Variants in MGME1 observed in about 807,000 individuals in gnomAD.
The protein encoded by MGME1 is mitochondrial genome maintenance exonuclease 1.
Under a neutral mutation model 33.0 loss-of-function variants are expected in MGME1, and 22 were observed. The observed-to-expected ratio is 0.67, with a 90% CI of 0.48 to 0.95. The LOEUF (loss-of-function observed/expected upper bound fraction) is 0.95. MGME1 is among the 40% of genes least tolerant of loss of function. The pLI is 0.00. For synonymous variants in MGME1, 133 were observed against 144.0 expected (o/e 0.92, Z 0.55); for missense variants, 383 against 397.8 (o/e 0.96, Z 0.32).
At chr20:17,969,754 T>G in intron 1 of MGME1, 47 bp from the exon 2 acceptor site, 2 of 1,182,832 alleles carry the variant, frequency 1.7e-6, no homozygotes, top group Non-Finnish European at 1.2e-6. Context: ...ATGTGCAATA[T>G]CATTCTGATG....
At chr20:17,985,498 A>G (rs1185214750) in intron 3 of MGME1, among the ~76,000 whole-genome samples, 3 of 152,158 alleles carry the variant, frequency 2.0e-5, no homozygotes, top group African/African-American at 7.2e-5. Flanking sequence ...AGAAAGAAAA[A>G]CGTTTTTTAT....
At chr20:17,988,749 T>C (rs2036218026) in intron 4 of MGME1, among the ~76,000 whole-genome samples, 1 of 152,108 alleles carries the variant, frequency 6.6e-6, no homozygotes, top group African/African-American at 2.4e-5. Context: ...GGTTTTTCCT[T>C]TTTTAATCTC....
At chr20:17,986,680 A>T (rs2036162249) in intron 3 of MGME1, among the ~76,000 whole-genome samples, 1 of 152,104 alleles carries the variant, frequency 6.6e-6, no homozygotes, top group South Asian at 2.1e-4. Flanking sequence ...AATTATGATA[A>T]AGATTGCGTG....
At chr20:17,985,059 A>G (rs972735725) in intron 3 of MGME1, among the ~76,000 whole-genome samples, 2 of 146,534 alleles carry the variant, frequency 1.4e-5, no homozygotes, top group East Asian at 2.0e-4. Context: ...AAAAAAAAAG[A>G]AAAGGAAAAT....
intron 3 of MGME1, among the ~76,000 whole-genome samples, chr20:17,985,856 A>T (rs2036141774): frequency 6.6e-6 from 1 of 152,158 alleles, no homozygotes. Flanking sequence ...AATATACTCT[A>T]TGTTTGCACA....
chr20:17,985,752 C>A (rs1204071929), intron 3 of MGME1, among the ~76,000 whole-genome samples: 1 of 152,156 alleles, frequency 6.6e-6, no homozygotes, highest in Non-Finnish European at 1.5e-5. Flanking sequence ...GTTATAGTTG[C>A]CAGCAGTATT....
chr20:17,975,951 G>T (rs1433326885), intron 3 of MGME1, 48 bp downstream of exon 3: 1 of 1,435,898 alleles, frequency 7.0e-7, no homozygotes, highest in South Asian at 1.1e-5. Flanking sequence ...GACAGATGGT[G>T]CCTGTCAAAG....
chr20:17,990,010 GCT>G lies in MGME1; in HGVS notation c.939_940del (p.Cys314PhefsTer57), dbSNP rs1600411495. On this transcript the variant is annotated frameshift_variant, in exon 5 of 5. Coordinates refer to ENST00000377710, the MANE Select transcript of MGME1 (RefSeq NM_052865.4). LOFTEE classifies it high-confidence loss of function. ...CCCACCCACATTTCATGGATGCAGAGCTCTGTTCCCAGTACTGGACCAAGTGG... is the reference window on the plus strand; with the variant it reads ...CCCACCCACATTTCATGGATGCAGAGCTGTTCCCAGTACTGGACCAAGTGG... ...PAHPHFMDAE[L>X]CSQYWTKWLL... is the part of the protein sequence containing the mutation. The G allele has an allele frequency of 3.7e-6, 6 of 1,614,116 alleles. No homozygotes were observed. Among genetic ancestry groups the G allele is most frequent in the Non-Finnish European group, 5.1e-6 (6 of 1,180,000 alleles).
At position 17,969,032 on chromosome 20, in the gene MGME1, T is replaced by A. The variant is rs2035636792; in HGVS notation, c.-169T>A. On this transcript the variant is annotated 5_prime_UTR_variant, in exon 1 of 5. The change creates a new upstream start codon in the 5' untranslated region. Coordinates refer to ENST00000377710, the MANE Select transcript of MGME1 (RefSeq NM_052865.4). ...CGCCGCGGGGCATTCTGGACCTGCT[T>A]TGCCTTAGGCTGTGCCTAATTCGAA... The A allele has an allele frequency of 6.5e-6, 1 of 153,386 alleles. No individual in the cohort carries two copies. The highest frequency in any genetic ancestry group is 1.5e-5 in the Non-Finnish European group (1 of 68,380). The allele number at this position is 153,386 out of a possible 1,614,324, so 9.5% of individuals were successfully genotyped here. A position where few individuals can be genotyped will look rare whatever the true frequency, so the allele number is the denominator to read the frequency against.
In MGME1 at chr20:17,988,243, T is replaced by C. The variant is rs2036203332; in HGVS notation, c.809T>C (p.Leu270Pro). 6.2e-7 allele frequency: 1 copy of C among 1,614,008 alleles called. No individual in the cohort carries two copies. Among genetic ancestry groups the C allele is most frequent in the Non-Finnish European group, 8.5e-7 (1 of 1,179,968 alleles). The change falls in exon 4 of 5, where the codon CTG (leucine) becomes CCG (proline). Residue 270 changes from leucine (L) to proline (P), a missense_variant. Transcript: ENST00000377710. ...PFIQSTFDNP[L>P]QVVAYMGAMN... ...ATTCAAAGTACATTTGACAACCCAC[T>C]GCAAGTTGTGGCATACATGGGTGCC...
At position 17,970,108 on chromosome 20, in the gene MGME1, CAAGCAT is replaced by C; in HGVS notation, c.254_259del (p.His85_Lys86del). 6.2e-7 allele frequency: 1 copy of C among 1,614,234 alleles called. No individual in the cohort carries two copies. The highest frequency in any genetic ancestry group is 8.5e-7 in the Non-Finnish European group (1 of 1,180,042). ...ATGCTTTGCTCTGTGGACCCGTGAG[CAAGCAT>C]AAGCTGCCAAACCAAGGTGAGGACA... On this transcript the variant is annotated inframe_deletion, in exon 2 of 5. Coordinates refer to ENST00000377710, the MANE Select transcript of MGME1 (RefSeq NM_052865.4).
chr20:17,990,421 G>GGT lies in MGME1; in HGVS notation c.*313_*314insTG. The GGT allele has an allele frequency of 1.3e-5, 4 of 316,164 alleles. 1 individual carries two copies. In the East Asian group the frequency reaches 2.7e-4, roughly 21 times the overall value. 19.6% of individuals were successfully genotyped at this position (316,164 alleles called of 1,614,324 possible). On this transcript the variant is annotated 3_prime_UTR_variant, in exon 5 of 5. Coordinates refer to ENST00000377710, the MANE Select transcript of MGME1 (RefSeq NM_052865.4). Reference sequence around the variant, plus strand: ...CCCTTGAGGGACATTGGGGGGGGGGGGGCGTGGTCCCAGGCAGGATGCCCA... The same window carrying GGT: ...CCCTTGAGGGACATTGGGGGGGGGGGGTGGCGTGGTCCCAGGCAGGATGCCCA...
intron 3 of MGME1, among the ~76,000 whole-genome samples, chr20:17,983,578 T>C (rs2036086388): frequency 6.6e-6 from 1 of 152,166 alleles, no homozygotes; most frequent in Non-Finnish European, 1.5e-5. Context: ...TTTATCAGGG[T>C]TCTCTTTTCT....
chr20:17,980,746 T>G (rs1157145358), intron 3 of MGME1, among the ~76,000 whole-genome samples: 1 of 149,372 alleles, frequency 6.7e-6, no homozygotes, highest in Non-Finnish European at 1.5e-5. Context: ...GAGGCGGAGC[T>G]GGCAGTGAGC....
chr20:17,969,356 CTG>C (rs569600871), intron 1 of MGME1, among the ~76,000 whole-genome samples: 194 of 152,348 alleles, frequency 1.3e-3, no homozygotes, highest in African/African-American at 4.2e-3. Context: ...ATTTCCACGT[CTG>C]TGCAACGGGT....
chr20:17,982,168 G>T (rs1189436651), intron 3 of MGME1, among the ~76,000 whole-genome samples: 1 of 152,190 alleles, frequency 6.6e-6, no homozygotes, highest in Non-Finnish European at 1.5e-5. Context: ...CACCCTTGTT[G>T]CCCAGGCTGG....
upstream of MGME1, chr20:17,968,723 C>A: frequency 2.3e-6 from 1 of 431,824 alleles, no homozygotes; most frequent in South Asian, 2.7e-5. Flanking sequence ...CACGAGGAGG[C>A]CGCCAACCGC....
chr20:17,976,852 G>A (rs1256550644), intron 3 of MGME1, among the ~76,000 whole-genome samples: 1 of 151,932 alleles, frequency 6.6e-6, no homozygotes, highest in Admixed American at 6.6e-5. Context: ...GTAGAGATGG[G>A]GTTTCTCCAT....
chr20:17,968,661 C>T (rs2035620834), upstream of MGME1: 1 of 603,350 alleles, frequency 1.7e-6, no homozygotes, highest in East Asian at 3.7e-5. Context: ...CCGCTGCCGT[C>T]CATCTTGGAG....
Sources: allele counts gnomAD v4.1 joint callset (sites outside exome capture counted in the v4.1 genomes callset), GRCh38; gene constraint gnomAD v4.1.1; transcripts MANE v1.5; gene names NCBI Gene and HGNC (gene_info 2026-07-23, HGNC 2026-07-21).